The following ARL15 variants were observed in gnomAD, a reference collection of about 807,000 sequenced individuals.
ARL15 encodes ADP-ribosylation factor-like protein 15.
ARL15 carries 19 observed loss-of-function variants against 25.2 expected under a neutral mutation model. The observed-to-expected ratio is 0.75, with a 90% CI of 0.53 to 1.10. The LOEUF (loss-of-function observed/expected upper bound fraction) is 1.10. ARL15 is among the 50% of genes least tolerant of loss of function. ARL15 has a pLI of 0.00. For missense variants in ARL15, 220 were observed against 246.0 expected, an observed-to-expected ratio of 0.89 and a Z score of 0.71; for synonymous variants, 94 against 86.8, an observed-to-expected ratio of 1.08 and a Z score of -0.46.
At chr5:54,260,165 G>T (rs957339100) in intron 1 of ARL15, among the ~76,000 whole-genome samples, 1 of 152,102 alleles carries the variant, frequency 6.6e-6, no homozygotes, top group Non-Finnish European at 1.5e-5. Flanking sequence ...ATCTTTAATG[G>T]TGCCACTCTG....
At chr5:54,159,410 A>G (rs1025257689) in intron 2 of ARL15, among the ~76,000 whole-genome samples, 1 of 152,194 alleles carries the variant, frequency 6.6e-6, no homozygotes, top group African/African-American at 2.4e-5. Context: ...AGGAGTCCGA[A>G]GCACAGCTCT....
chr5:53,949,633 A>G (rs957441427), intron 4 of ARL15, among the ~76,000 whole-genome samples: 6 of 152,184 alleles, frequency 3.9e-5, no homozygotes, highest in Admixed American at 3.3e-4. Context: ...GGTTTGTTTC[A>G]TAGTTCTAAG....
intron 1 of ARL15, among the ~76,000 whole-genome samples, chr5:54,233,756 G>C (rs767549254): frequency 1.6e-4 from 25 of 152,124 alleles, no homozygotes; most frequent in Non-Finnish European, 3.7e-4. Flanking sequence ...ATCAGAAAAG[G>C]CTATTAAAAT....
chr5:54,060,250 TG>T (rs1751023022), intron 4 of ARL15, among the ~76,000 whole-genome samples: 1 of 151,056 alleles, frequency 6.6e-6, no homozygotes, highest in Admixed American at 6.6e-5. Context: ...CTGGCCAACA[TG>T]GTGAAACCCT....
intron 4 of ARL15, among the ~76,000 whole-genome samples, chr5:53,984,799 A>G (rs1251409231): frequency 2.0e-5 from 3 of 152,158 alleles, no homozygotes; most frequent in Admixed American, 6.6e-5. Flanking sequence ...TTATACATTC[A>G]GCCCAACTTC....
intron 4 of ARL15, among the ~76,000 whole-genome samples, chr5:54,059,400 C>T (rs551615730): frequency 1.3e-5 from 2 of 152,138 alleles, no homozygotes; most frequent in South Asian, 2.1e-4. Context: ...GGTGTTTTTC[C>T]GATTTTTAAT....
chr5:53,981,889 A>T (rs1748130304), intron 4 of ARL15, among the ~76,000 whole-genome samples: 1 of 140,762 alleles, frequency 7.1e-6, no homozygotes, highest in Non-Finnish European at 1.6e-5. Context: ...AACAAGAGTG[A>T]AACTCTGTCT....
intron 3 of ARL15, among the ~76,000 whole-genome samples, chr5:54,127,616 G>A (rs1165481284): frequency 1.3e-5 from 2 of 151,794 alleles, no homozygotes; most frequent in African/African-American, 4.8e-5. Flanking sequence ...TAGATTCAAT[G>A]CCATCCCCAT....
At chr5:54,218,012 A>T (rs1756262305) in intron 1 of ARL15, among the ~76,000 whole-genome samples, 1 of 152,162 alleles carries the variant, frequency 6.6e-6, no homozygotes, top group Admixed American at 6.6e-5. Context: ...ATGAAATGTT[A>T]GGCAGTATTT....
intron 1 of ARL15, among the ~76,000 whole-genome samples, chr5:54,175,924 T>C (rs1305771992): frequency 1.3e-5 from 2 of 152,164 alleles, no homozygotes; most frequent in Non-Finnish European, 2.9e-5. Flanking sequence ...AGTGCTGAGA[T>C]TACACACGTG....
At chr5:54,121,575 A>C (rs1006257329) in intron 3 of ARL15, among the ~76,000 whole-genome samples, 1 of 152,322 alleles carries the variant, frequency 6.6e-6, no homozygotes, top group South Asian at 2.1e-4. Context: ...TTAGGGATCA[A>C]GTATGTTCTA....
intron 4 of ARL15, among the ~76,000 whole-genome samples, chr5:53,962,212 T>C (rs925724595): frequency 6.6e-6 from 1 of 152,160 alleles, no homozygotes; most frequent in African/African-American, 2.4e-5. Context: ...TTGGAGACCA[T>C]AATATCCATA....
At chr5:54,091,959 C>T (rs1752140627) in intron 4 of ARL15, among the ~76,000 whole-genome samples, 1 of 151,930 alleles carries the variant, frequency 6.6e-6, no homozygotes, top group South Asian at 2.1e-4. Context: ...GAAAATGAGA[C>T]ATCCCAAGTC....
intron 4 of ARL15, among the ~76,000 whole-genome samples, chr5:54,097,674 A>C (rs1752328394): frequency 6.6e-6 from 1 of 152,238 alleles, no homozygotes; most frequent in Non-Finnish European, 1.5e-5. Context: ...TGCTACCAGA[A>C]CTTGGTTATT....
At chr5:53,943,572 GAGTA>G (rs1203537740) in intron 4 of ARL15, among the ~76,000 whole-genome samples, 3 of 152,172 alleles carry the variant, frequency 2.0e-5, no homozygotes, top group Non-Finnish European at 4.4e-5. Context: ...TGCAGGTATG[GAGTA>G]AGTGAGTTGA....
intron 4 of ARL15, among the ~76,000 whole-genome samples, chr5:53,894,689 C>A (rs1744817572): frequency 6.6e-6 from 1 of 152,060 alleles, no homozygotes; most frequent in African/African-American, 2.4e-5. Flanking sequence ...TCTATCAGGC[C>A]CTCTACAGCC....
chr5:54,053,991 C>T (rs1750779445), intron 4 of ARL15, among the ~76,000 whole-genome samples: 1 of 152,156 alleles, frequency 6.6e-6, no homozygotes, highest in South Asian at 2.1e-4. Flanking sequence ...GTATGGGATA[C>T]ACAAAACACT....
chr5:54,005,873 ACC>A (rs1561185743), intron 4 of ARL15, among the ~76,000 whole-genome samples: 2 of 79,382 alleles, frequency 2.5e-5, no homozygotes, highest in Admixed American at 1.3e-4. Context: ...AAAAAAAAAA[ACC>A]AAAAAAACCC....
chr5:54,074,628 T>G (rs1751534628), intron 4 of ARL15, among the ~76,000 whole-genome samples: 1 of 152,224 alleles, frequency 6.6e-6, no homozygotes, highest in South Asian at 2.1e-4. Context: ...GACAATTGCC[T>G]GTGTTATTAA....
Sources: allele counts gnomAD v4.1 joint callset (sites outside exome capture counted in the v4.1 genomes callset), GRCh38; gene constraint gnomAD v4.1.1; transcripts MANE v1.5; gene names NCBI Gene and HGNC (gene_info 2026-07-23, HGNC 2026-07-21).